Variants in GALNT18 observed in about 807,000 individuals in gnomAD.
GALNT18 encodes the protein GalNAc-transferase 18.
Under a neutral mutation model 69.5 loss-of-function variants are expected in GALNT18, and 44 were observed. That is an observed-to-expected ratio of 0.63 (90% CI 0.50 to 0.81). The LOEUF (loss-of-function observed/expected upper bound fraction) is 0.81. Among genes scored for constraint, GALNT18 ranks in the 40% least tolerant of loss-of-function variants. The pLI is 0.00. For synonymous variants in GALNT18, 364 were observed against 318.2 expected (o/e 1.14, Z -1.53); for missense variants, 715 against 810.0 (o/e 0.88, Z 1.42).
intron 1 of GALNT18, among the ~76,000 whole-genome samples, chr11:11,495,200 T>C (rs762654658): frequency 2.0e-5 from 3 of 152,222 alleles, no homozygotes; most frequent in Non-Finnish European, 2.9e-5. Context: ...TTTCCAACTT[T>C]GTTTCCTACA....
chr11:11,473,276 T>G lies in GALNT18; in HGVS notation c.236-24340A>C, dbSNP rs570335981. 1.3e-4 allele frequency among the ~76,000 whole-genome samples: 20 copies of G among 152,354 alleles called. 1 individual carries two copies. The South Asian group carries it at 3.9e-3, about 30-fold the overall frequency. On this transcript the variant is annotated intron_variant, in intron 1 of 10. Transcript: ENST00000227756. ...AATACTTCAAGGCAAGAGCTTTGGA[T>G]GAGTGAAAATGTATTTATTGAGCAA...
At position 11,461,633 on chromosome 11, in the gene GALNT18, C is replaced by T. The variant is rs1856046194; in HGVS notation, c.236-12697G>A. ...ACTTCTAAATATACACTACACTGTT[C>T]ACACATAAAACAGTGTTCCCAGTGT... On this transcript the variant is annotated intron_variant, in intron 1 of 10. Coordinates refer to ENST00000227756, the MANE Select transcript of GALNT18 (RefSeq NM_198516.3). The surrounding 1 kb of genome is among the most constrained non-coding windows in gnomAD (Gnocchi z 4.1). 6.6e-6 allele frequency among the ~76,000 whole-genome samples: 1 copy of T among 152,196 alleles called. No homozygotes were observed. The highest frequency in any genetic ancestry group is 2.4e-5 in the African/African-American group (1 of 41,458).
At chr11:11,440,922 G>T (rs112017222) in intron 2 of GALNT18, among the ~76,000 whole-genome samples, 3 of 152,136 alleles carry the variant, frequency 2.0e-5, no homozygotes, top group Non-Finnish European at 4.4e-5. Flanking sequence ...ACTTGTTGGC[G>T]GTCACCCAGC....
intron 1 of GALNT18, among the ~76,000 whole-genome samples, chr11:11,535,291 T>C (rs187463483): frequency 9.5e-4 from 144 of 152,358 alleles, no homozygotes; most frequent in Non-Finnish European, 1.8e-3. Flanking sequence ...TGGTGACCCC[T>C]GGTTCTGCCA....
intron 3 of GALNT18, among the ~76,000 whole-genome samples, chr11:11,429,572 T>C (rs1855219472): frequency 6.6e-6 from 1 of 152,222 alleles, no homozygotes; most frequent in Non-Finnish European, 1.5e-5. Flanking sequence ...CAGTCACACA[T>C]GATGTGACCA....
intron 10 of GALNT18, among the ~76,000 whole-genome samples, chr11:11,288,282 C>A (rs1319940736): frequency 6.6e-6 from 1 of 152,218 alleles, no homozygotes. Context: ...ACACAACAGA[C>A]AATGGATTCC....
At chr11:11,608,384 G>A (rs532757887) in intron 1 of GALNT18, among the ~76,000 whole-genome samples, 1 of 151,978 alleles carries the variant, frequency 6.6e-6, no homozygotes, top group Non-Finnish European at 1.5e-5. Context: ...TTTTGAGACA[G>A]AGTCTTGCTC....
Position 11,271,439 on chromosome 11 carries a change from C to T in GALNT18, c.1678-149G>A, listed in dbSNP as rs545260989. 8.3e-5 allele frequency: 62 copies of T among 747,030 alleles called. No homozygotes were observed. The South Asian group carries it at 1.1e-3, about 13-fold the overall frequency. 46.3% of individuals were successfully genotyped at this position (747,030 alleles called of 1,614,324 possible). A position where few individuals can be genotyped will look rare whatever the true frequency, so the allele number is the denominator to read the frequency against. On this transcript the variant is annotated intron_variant, in intron 10 of 10. Coordinates refer to ENST00000227756, the MANE Select transcript of GALNT18 (RefSeq NM_198516.3). ...GCATTCCCATGAAACTGCAGGCTCC[C>T]CTATCACTCATATATTAGTCTCCTC...
At position 11,497,643 on chromosome 11, in the gene GALNT18, C is replaced by G. The variant is rs1856894029; in HGVS notation, c.236-48707G>C. Among the ~76,000 whole-genome samples, 1 of 152,098 alleles carries G rather than the reference C, an allele frequency of 6.6e-6. No homozygotes were observed. Among genetic ancestry groups the G allele is most frequent in the Non-Finnish European group, 1.5e-5 (1 of 68,036 alleles). On this transcript the variant is annotated intron_variant, in intron 1 of 10. Coordinates refer to ENST00000227756, the MANE Select transcript of GALNT18 (RefSeq NM_198516.3). The surrounding 1 kb of genome is among the most constrained non-coding windows in gnomAD (Gnocchi z 4.2). Reference sequence around the variant, plus strand: ...AAACACACAGTATTTCCAGTAACAACTCTCTTATCTAACATGGTCAGGAGC... The same window carrying G: ...AAACACACAGTATTTCCAGTAACAAGTCTCTTATCTAACATGGTCAGGAGC...
chr11:11,286,601 G>A (rs182491658), intron 10 of GALNT18, among the ~76,000 whole-genome samples: 5 of 152,170 alleles, frequency 3.3e-5, no homozygotes, highest in African/African-American at 1.2e-4. Context: ...TGCACACAGG[G>A]GGGACTTTGG....
intron 10 of GALNT18, among the ~76,000 whole-genome samples, chr11:11,291,794 G>C (rs1849305431): frequency 6.6e-6 from 1 of 152,168 alleles, no homozygotes; most frequent in East Asian, 1.9e-4. Context: ...CCATGACCTT[G>C]TTTTGAACTT....
chr11:11,600,502 A>G lies in GALNT18; in HGVS notation c.235+20857T>C, dbSNP rs1859605893. ...TTATCCTCCATTGTTTCTGATGAGA[A>G]TTCAGCTGCTAATCTTATCAGTATT... On this transcript the variant is annotated intron_variant, in intron 1 of 10. Transcript: ENST00000227756. This position sits in a 1 kb window ranked among gnomAD's most constrained non-coding sequence, Gnocchi z 4.8. Among the ~76,000 whole-genome samples, 1 of 152,034 alleles carries G rather than the reference A, an allele frequency of 6.6e-6. No homozygotes were observed. The highest frequency in any genetic ancestry group is 1.5e-5 in the Non-Finnish European group (1 of 67,946).
chr11:11,341,019 G>C lies in GALNT18; in HGVS notation c.1093-15C>G. 1.3e-6 allele frequency: 2 copies of C among 1,580,778 alleles called. No homozygotes were observed. The highest frequency in any genetic ancestry group is 2.3e-5 in the South Asian group (2 of 87,208). On this transcript the variant is annotated splice_polypyrimidine_tract_variant and intron_variant, in intron 6 of 10. Transcript: ENST00000227756. This position sits in a 1 kb window ranked among gnomAD's most constrained non-coding sequence, Gnocchi z 6.3. The stretch of plus-strand genomic sequence containing the variant: ...CACTGCCACACCTGCAGAAGACATG[G>C]AGCCACTTGTCAGAGCCTGCCTGGC...
chr11:11,391,138 C>T (rs1854182042), intron 3 of GALNT18, among the ~76,000 whole-genome samples: 1 of 152,200 alleles, frequency 6.6e-6, no homozygotes, highest in Admixed American at 6.5e-5. Context: ...TGGGACATCC[C>T]CAGGTGCAGG....
rs185007945 is a variant in GALNT18 at position 11,382,961 on chromosome 11, A to C, written c.596-3697T>G. Among the ~76,000 whole-genome samples the C allele has an allele frequency of 6.6e-6, 1 of 152,268 alleles. No individual in the cohort carries two copies. Among genetic ancestry groups the C allele is most frequent in the African/African-American group, 2.4e-5 (1 of 41,534 alleles). The stretch of plus-strand genomic sequence containing the variant: ...GTGCAGCTGTCGATAGCCCATGTTG[A>C]CAGAGAAATACAATTTGCACCCTGC... On this transcript the variant is annotated intron_variant, in intron 3 of 10. Coordinates refer to ENST00000227756, the MANE Select transcript of GALNT18 (RefSeq NM_198516.3). This position sits in a 1 kb window ranked among gnomAD's most constrained non-coding sequence, Gnocchi z 4.3.
At chr11:11,610,377 G>A (rs1371475371) in intron 1 of GALNT18, among the ~76,000 whole-genome samples, 1 of 152,186 alleles carries the variant, frequency 6.6e-6, no homozygotes, top group Non-Finnish European at 1.5e-5. Flanking sequence ...TCTGTGAAAT[G>A]GGGATAATAA....
rs527401540 is a variant in GALNT18 at position 11,405,200 on chromosome 11, G to A, written c.596-25936C>T. On this transcript the variant is annotated intron_variant, in intron 3 of 10. Coordinates refer to ENST00000227756, the MANE Select transcript of GALNT18 (RefSeq NM_198516.3). ...GCAATGTGGGGTGTGGGTGGTCAGG[G>A]CAAGGTGGATACAGGAGACAGCTCC... is the stretch of plus-strand genomic sequence containing the variant. Among the ~76,000 whole-genome samples the A allele has an allele frequency of 1.5e-4, 21 of 136,886 alleles. No individual in the cohort carries two copies. In the South Asian group the frequency reaches 2.9e-3, roughly 19 times the overall value. The allele number at this position is 136,886 out of a possible 152,430, so 89.8% of individuals were successfully genotyped here.
intron 10 of GALNT18, among the ~76,000 whole-genome samples, chr11:11,280,839 C>T (rs1008659262): frequency 6.6e-6 from 1 of 152,186 alleles, no homozygotes; most frequent in East Asian, 1.9e-4. Context: ...GTTGTCCTCT[C>T]AAACTGTGGT....
rs1287705533 is a variant in GALNT18 at position 11,620,584 on chromosome 11, C to G, written c.235+775G>C. ...GAGCTACAGTAGGGATCGGCCTTCA[C>G]CCGGTCCCGGGCGGCTCCGCGGGGA... On this transcript the variant is annotated intron_variant, in intron 1 of 10. Coordinates refer to ENST00000227756, the MANE Select transcript of GALNT18 (RefSeq NM_198516.3). The surrounding 1 kb of genome is among the most constrained non-coding windows in gnomAD (Gnocchi z 6.9). Among the ~76,000 whole-genome samples, 1 of 152,216 alleles carries G rather than the reference C, an allele frequency of 6.6e-6. No individual in the cohort carries two copies. Among genetic ancestry groups the G allele is most frequent in the Non-Finnish European group, 1.5e-5 (1 of 68,038 alleles).
Sources: gnomAD v4.1 joint callset for allele counts (sites outside exome capture counted in the v4.1 genomes callset) on GRCh38, gnomAD v4.1.1 for gene constraint, Gnocchi (gnomAD v3.1) non-coding constraint, MANE v1.5 for transcripts, NCBI Gene and HGNC (gene_info 2026-07-23, HGNC 2026-07-21) for gene names.